Variants in SSBP2 observed in about 807,000 individuals in gnomAD.
SSBP2 encodes single-stranded DNA-binding protein 2.
A neutral mutation model predicts 61.8 loss-of-function variants in SSBP2; 17 were observed. The observed-to-expected ratio is 0.28, with a 90% CI of 0.19 to 0.41. SSBP2 has a LOEUF of 0.41. Among genes scored for constraint, SSBP2 ranks in the 10% least tolerant of loss-of-function variants. The pLI, the probability that SSBP2 is intolerant of heterozygous loss-of-function variation, is 1.00. For synonymous variants in SSBP2, 139 were observed against 141.3 expected (o/e 0.98, Z 0.12); for missense variants, 310 against 458.7 (o/e 0.68, Z 2.96).
chr5:81,425,908 A>C (rs1761923199), intron 16 of SSBP2, among the ~76,000 whole-genome samples: 1 of 152,198 alleles, frequency 6.6e-6, no homozygotes, highest in South Asian at 2.1e-4. Flanking sequence ...TACTCAATAG[A>C]TACTTGCTCC....
chr5:81,552,639 T>TA (rs33979294), intron 4 of SSBP2, among the ~76,000 whole-genome samples: 140 of 115,874 alleles, frequency 1.2e-3, no homozygotes, highest in Admixed American at 3.7e-3. Flanking sequence ...CTATGTCTCT[T>TA]AAAAAAAAAA....
chr5:81,564,573 T>C (rs573945275), intron 4 of SSBP2, among the ~76,000 whole-genome samples: 2 of 152,324 alleles, frequency 1.3e-5, no homozygotes, highest in South Asian at 4.1e-4. Context: ...AGAAGAAGTA[T>C]CTTATCCAAA....
chr5:81,562,845 T>C (rs756995064), intron 4 of SSBP2, among the ~76,000 whole-genome samples: 61 of 151,732 alleles, frequency 4.0e-4, no homozygotes, highest in Non-Finnish European at 5.0e-4. Flanking sequence ...TAACAAAATA[T>C]GTGCATGAGC....
At chr5:81,510,696 G>A (rs951968742) in intron 5 of SSBP2, among the ~76,000 whole-genome samples, 1 of 152,000 alleles carries the variant, frequency 6.6e-6, no homozygotes, top group African/African-American at 2.4e-5. Flanking sequence ...AGAAGGCGGA[G>A]GTTGCGGTGA....
intron 3 of SSBP2, among the ~76,000 whole-genome samples, chr5:81,628,904 T>C (rs1484604176): frequency 6.6e-6 from 1 of 152,172 alleles, no homozygotes; most frequent in Non-Finnish European, 1.5e-5. Flanking sequence ...GTATCTCTTT[T>C]TCATACATCT....
chr5:81,429,734 C>T, intron 15 of SSBP2, among the ~76,000 whole-genome samples: 1 of 151,898 alleles, frequency 6.6e-6, no homozygotes, highest in African/African-American at 2.4e-5. Context: ...AGAATTTTGT[C>T]TTAACTACAA....
intron 16 of SSBP2, among the ~76,000 whole-genome samples, chr5:81,426,589 C>T (rs934103729): frequency 9.2e-5 from 14 of 152,216 alleles, no homozygotes; most frequent in Admixed American, 2.6e-4. Flanking sequence ...TCTAAATGCA[C>T]ATATTCACAG....
chr5:81,582,251 A>G (rs73766283), intron 4 of SSBP2, among the ~76,000 whole-genome samples: 2,810 of 152,306 alleles, frequency 0.018, 88 homozygotes, highest in African/African-American at 0.064. Context: ...TAAAGTATTT[A>G]ACAAGACTAT....
chr5:81,455,090 A>G lies in SSBP2; in HGVS notation c.687+5965T>C, dbSNP rs544726592. Among the ~76,000 whole-genome samples the G allele has an allele frequency of 1.4e-4, 21 of 152,304 alleles. No individual in the cohort carries two copies. In the South Asian group the frequency reaches 2.7e-3, roughly 20 times the overall value. On this transcript the variant is annotated intron_variant, in intron 10 of 16. Coordinates refer to ENST00000320672, the MANE Select transcript of SSBP2 (RefSeq NM_012446.5). Reference sequence around the variant, plus strand: ...AGATCCTAATTATAACGTGTTAAGTATAAGGATAGAAATACGCATTAGGCA... The same window carrying G: ...AGATCCTAATTATAACGTGTTAAGTGTAAGGATAGAAATACGCATTAGGCA...
chr5:81,723,440 T>C (rs1003204420), intron 1 of SSBP2, among the ~76,000 whole-genome samples: 3 of 151,968 alleles, frequency 2.0e-5, no homozygotes, highest in Non-Finnish European at 4.4e-5. Context: ...AATAGTTTTA[T>C]TCTATCTGCA....
intron 4 of SSBP2, among the ~76,000 whole-genome samples, chr5:81,593,988 AC>A (rs1743418392): frequency 6.6e-6 from 1 of 152,214 alleles, no homozygotes; most frequent in African/African-American, 2.4e-5. Flanking sequence ...TTCACACATA[AC>A]AATATTAACT....
At position 81,436,441 on chromosome 5, in the gene SSBP2, C is replaced by T. The variant is rs192549387; in HGVS notation, c.957+989G>A. Among the ~76,000 whole-genome samples, 36 of 152,048 alleles carry T rather than the reference C, an allele frequency of 2.4e-4. No individual in the cohort carries two copies. The Middle Eastern group carries it at 0.01, about 43-fold the overall frequency. On this transcript the variant is annotated intron_variant, in intron 15 of 16. Transcript: ENST00000320672. ...TTTCTAAATATAGACATCCAAAATA[C>T]ATGTGGAGCTTGTGAGGCAAAGCAG...
chr5:81,562,987 TCAACA>T (rs921700817), intron 4 of SSBP2, among the ~76,000 whole-genome samples: 1 of 152,140 alleles, frequency 6.6e-6, no homozygotes, highest in African/African-American at 2.4e-5. Context: ...ATCTATAGAC[TCAACA>T]CAATTCCAAT....
chr5:81,470,606 A>G (rs530714979), intron 8 of SSBP2, among the ~76,000 whole-genome samples: 2 of 152,074 alleles, frequency 1.3e-5, no homozygotes, highest in South Asian at 4.1e-4. Context: ...GTTCTAATAG[A>G]TAACTACTGT....
At chr5:81,649,419 A>G (rs1428061158) in intron 2 of SSBP2, among the ~76,000 whole-genome samples, 2 of 152,050 alleles carry the variant, frequency 1.3e-5, no homozygotes, top group Admixed American at 6.6e-5. Context: ...GGGTACATAT[A>G]CACCATGGAA....
intron 1 of SSBP2, among the ~76,000 whole-genome samples, chr5:81,679,245 G>A (rs1256516011): frequency 6.6e-6 from 1 of 152,232 alleles, no homozygotes; most frequent in Non-Finnish European, 1.5e-5. Flanking sequence ...CTTATCTCAA[G>A]TGATCCACCC....
At chr5:81,460,319 G>A (rs1387465659) in intron 10 of SSBP2, among the ~76,000 whole-genome samples, 1 of 152,198 alleles carries the variant, frequency 6.6e-6, no homozygotes, top group Non-Finnish European at 1.5e-5. Context: ...AGTGCACACA[G>A]TACACAGATG....
At chr5:81,541,168 T>C (rs1051003640) in intron 4 of SSBP2, among the ~76,000 whole-genome samples, 1 of 151,998 alleles carries the variant, frequency 6.6e-6, no homozygotes, top group Non-Finnish European at 1.5e-5. Flanking sequence ...CCATTTACTA[T>C]AGCCACAGGA....
chr5:81,736,026 G>C (rs1483928372), intron 1 of SSBP2, among the ~76,000 whole-genome samples: 2 of 152,086 alleles, frequency 1.3e-5, no homozygotes, highest in Admixed American at 6.5e-5. Context: ...CCAATCTTAA[G>C]AGTGGGCCCC....
Sources: gnomAD v4.1 joint callset for allele counts (sites outside exome capture counted in the v4.1 genomes callset) on GRCh38, gnomAD v4.1.1 for gene constraint, MANE v1.5 for transcripts, NCBI Gene and HGNC (gene_info 2026-07-23, HGNC 2026-07-21) for gene names.